Variants in SYT14 observed in about 807,000 individuals in gnomAD.
The protein encoded by SYT14 is synaptotagmin-14.
A neutral mutation model predicts 74.2 loss-of-function variants in SYT14; 32 were observed. That is an observed-to-expected ratio of 0.43 (90% CI 0.33 to 0.58). The LOEUF is 0.58. Ranked by LOEUF, SYT14 falls within the 20% of genes least tolerant of loss-of-function variation. The probability of loss-of-function intolerance (pLI) is 0.05; values close to 1 mark genes in which losing one functional copy is unlikely to be tolerated. For missense variants in SYT14, 791 were observed against 981.8 expected, an observed-to-expected ratio of 0.81 and a Z score of 2.60; for synonymous variants, 298 against 337.7, an observed-to-expected ratio of 0.88 and a Z score of 1.29.
At chr1:210,003,096 A>G (rs961506095) in intron 2 of SYT14, among the ~76,000 whole-genome samples, 18 of 152,274 alleles carry the variant, frequency 1.2e-4, no homozygotes, top group South Asian at 4.1e-4. Context: ...TCTATAGTCT[A>G]TCTAGAATTG....
At chr1:210,010,335 G>T (rs2080064102) in intron 2 of SYT14, among the ~76,000 whole-genome samples, 1 of 152,062 alleles carries the variant, frequency 6.6e-6, no homozygotes, top group African/African-American at 2.4e-5. Context: ...TTTGTCCACA[G>T]ATGTTTATAT....
chr1:210,150,785 A>G (rs2083142009), intron 7 of SYT14, among the ~76,000 whole-genome samples: 1 of 152,226 alleles, frequency 6.6e-6, no homozygotes, highest in Non-Finnish European at 1.5e-5. Flanking sequence ...CAGTAGTTTC[A>G]CCTTAAAAAA....
At chr1:210,087,499 A>T (rs1458089479) in intron 5 of SYT14, among the ~76,000 whole-genome samples, 1 of 152,160 alleles carries the variant, frequency 6.6e-6, no homozygotes. Context: ...CTGTTGCCCC[A>T]GGCCAGGCTG....
chr1:210,107,223 G>T (rs2082174627), intron 7 of SYT14, among the ~76,000 whole-genome samples: 1 of 152,252 alleles, frequency 6.6e-6, no homozygotes, highest in Non-Finnish European at 1.5e-5. Context: ...AGTTGAATCA[G>T]TTCCTGAAGG....
chr1:210,047,676 C>T (rs1558152077), intron 5 of SYT14, among the ~76,000 whole-genome samples: 5 of 152,258 alleles, frequency 3.3e-5, no homozygotes, highest in South Asian at 4.1e-4. Flanking sequence ...GGATTACAGG[C>T]GTGAGCCACC....
At chr1:210,031,525 C>G (rs1572185491) in intron 5 of SYT14, among the ~76,000 whole-genome samples, 1 of 152,042 alleles carries the variant, frequency 6.6e-6, no homozygotes, top group Non-Finnish European at 1.5e-5. Flanking sequence ...GTAGAATTTA[C>G]CACTGAATCC....
chr1:209,945,166 TA>T (rs2078803348), intron 1 of SYT14, among the ~76,000 whole-genome samples: 1 of 152,204 alleles, frequency 6.6e-6, no homozygotes, highest in South Asian at 2.1e-4. Flanking sequence ...AGAATTAGTA[TA>T]CAAGATGAAA....
At chr1:209,969,491 T>TC (rs1477102433) in intron 2 of SYT14, among the ~76,000 whole-genome samples, 2 of 147,388 alleles carry the variant, frequency 1.4e-5, no homozygotes, top group African/African-American at 5.0e-5. Context: ...TCTTTCTTTT[T>TC]TTTTTTTTTT....
chr1:210,131,040 C>T (rs991458504), intron 7 of SYT14, among the ~76,000 whole-genome samples: 13 of 152,092 alleles, frequency 8.5e-5, no homozygotes, highest in Non-Finnish European at 1.6e-4. Context: ...TTGAAACTCA[C>T]GGTATTCATA....
At chr1:210,020,843 T>A (rs978157705) in intron 4 of SYT14, among the ~76,000 whole-genome samples, 196 bp from the exon 4 acceptor site, 9 of 145,860 alleles carry the variant, frequency 6.2e-5, no homozygotes, top group Non-Finnish European at 1.3e-4. Context: ...AAATTCAGGT[T>A]GTGTATAATA....
At chr1:209,972,224 G>A (rs969194610) in intron 2 of SYT14, among the ~76,000 whole-genome samples, 18 of 151,486 alleles carry the variant, frequency 1.2e-4, no homozygotes, top group Non-Finnish European at 2.1e-4. Flanking sequence ...TATATAATTG[G>A]TTGTAATGTC....
chr1:210,112,933 A>G (rs1175237525), intron 7 of SYT14, among the ~76,000 whole-genome samples: 2 of 151,354 alleles, frequency 1.3e-5, no homozygotes, highest in Non-Finnish European at 2.9e-5. Context: ...GGGGGCAGAA[A>G]GTATATGCGT....
intron 2 of SYT14, among the ~76,000 whole-genome samples, chr1:210,009,668 A>G (rs1023492116): frequency 6.6e-6 from 1 of 152,138 alleles, no homozygotes; most frequent in Non-Finnish European, 1.5e-5. Context: ...AAAGAGGGAA[A>G]AATTTTCAAA....
At chr1:209,956,093 A>G (rs1425095774) in intron 2 of SYT14, among the ~76,000 whole-genome samples, 1 of 152,100 alleles carries the variant, frequency 6.6e-6, no homozygotes, top group African/African-American at 2.4e-5. Context: ...CTCATTAACC[A>G]TGGTTCAGAA....
intron 3 of SYT14, among the ~76,000 whole-genome samples, chr1:210,015,373 C>T (rs147602543): frequency 4.5e-4 from 69 of 152,178 alleles, no homozygotes; most frequent in African/African-American, 1.5e-3. Context: ...TTTTTCTGAG[C>T]CTTGTTTTTC....
intron 5 of SYT14, among the ~76,000 whole-genome samples, chr1:210,050,120 C>CTCTG (rs2080964325): frequency 6.6e-6 from 1 of 152,162 alleles, no homozygotes; most frequent in African/African-American, 2.4e-5. Flanking sequence ...AACTTTTATG[C>CTCTG]TCTGTTTCCC....
intron 5 of SYT14, among the ~76,000 whole-genome samples, chr1:210,086,427 ATATT>A (rs2081733308): frequency 6.6e-6 from 1 of 152,206 alleles, no homozygotes; most frequent in African/African-American, 2.4e-5. Flanking sequence ...ATCAGTTACT[ATATT>A]TATTTTGAGC....
intron 7 of SYT14, among the ~76,000 whole-genome samples, chr1:210,107,475 C>T (rs778142120): frequency 3.3e-5 from 5 of 152,132 alleles, no homozygotes; most frequent in Non-Finnish European, 5.9e-5. Flanking sequence ...ATCACAGTGT[C>T]TATCATAGCT....
At chr1:210,122,942 G>C (rs2082497514) in intron 7 of SYT14, among the ~76,000 whole-genome samples, 1 of 152,120 alleles carries the variant, frequency 6.6e-6, no homozygotes, top group Non-Finnish European at 1.5e-5. Flanking sequence ...TTAAATAATA[G>C]ATTTGCATAA....
Sources: allele counts gnomAD v4.1 joint callset (sites outside exome capture counted in the v4.1 genomes callset), GRCh38; gene constraint gnomAD v4.1.1; transcripts MANE v1.5; gene names NCBI Gene and HGNC (gene_info 2026-07-23, HGNC 2026-07-21).